Variants in ACADL observed in about 807,000 individuals in gnomAD.
ACADL encodes acyl-CoA dehydrogenase long chain.
Under a neutral mutation model 56.9 loss-of-function variants are expected in ACADL, and 60 were observed. The ratio of observed to expected loss-of-function variants is 1.05; its 90% CI spans 0.86 to 1.31. The LOEUF (loss-of-function observed/expected upper bound fraction) is 1.31, where lower values mean the gene tolerates loss of function less well. Among genes scored for constraint, ACADL ranks in the 50% most tolerant of loss-of-function variants. ACADL has a pLI of 0.00. For synonymous variants in ACADL, 158 were observed against 179.7 expected (o/e 0.88, Z 0.97); for missense variants, 484 against 525.5 (o/e 0.92, Z 0.77).
chr2:210,205,335 T>A (rs1391924698), intron 6 of ACADL, among the ~76,000 whole-genome samples: 1 of 152,194 alleles, frequency 6.6e-6, no homozygotes, highest in Non-Finnish European at 1.5e-5. Context: ...CACACTTTAT[T>A]TTTATTTCAT....
intron 8 of ACADL, among the ~76,000 whole-genome samples, chr2:210,197,716 G>GA (rs1184158106): frequency 6.6e-6 from 1 of 152,138 alleles, no homozygotes; most frequent in African/African-American, 2.4e-5. Context: ...TTTACAATAT[G>GA]AAAGAGTAAA....
chr2:210,210,596 T>C (rs1478645029), intron 4 of ACADL, among the ~76,000 whole-genome samples: 1 of 152,154 alleles, frequency 6.6e-6, no homozygotes, highest in Non-Finnish European at 1.5e-5. Flanking sequence ...CGTGTCACCA[T>C]GTACTTTGCT....
In ACADL at chr2:210,210,329, G is replaced by C. The variant is rs536270350; in HGVS notation, c.537-67C>G. On this transcript the variant is annotated intron_variant, in intron 4 of 10. Coordinates refer to ENST00000233710, the MANE Select transcript of ACADL (RefSeq NM_001608.4). Reference sequence around the variant, plus strand: ...AAATTAAATTATACAAATGATATAAGTATGTATGTAAATTAGATTATTCAA... The same window carrying C: ...AAATTAAATTATACAAATGATATAACTATGTATGTAAATTAGATTATTCAA... The C allele has an allele frequency of 5.1e-6, 6 of 1,183,554 alleles. No individual in the cohort carries two copies. The South Asian group carries it at 7.5e-5, about 15-fold the overall frequency. 73.3% of individuals were successfully genotyped at this position (1,183,554 alleles called of 1,614,324 possible).
intron 8 of ACADL, among the ~76,000 whole-genome samples, chr2:210,201,156 C>G (rs937198121): frequency 6.6e-6 from 1 of 152,154 alleles, no homozygotes; most frequent in Non-Finnish European, 1.5e-5. Context: ...AGGAGCCTAG[C>G]CTCTCCTGTT....
chr2:210,216,545 A>G, intron 3 of ACADL, 34 bp from the exon 4 acceptor site: 7 of 1,589,990 alleles, frequency 4.4e-6, no homozygotes, highest in Non-Finnish European at 6.0e-6. Context: ...ATTAGAGCAT[A>G]AAATAGCAAT....
intron 2 of ACADL, among the ~76,000 whole-genome samples, chr2:210,220,172 T>C (rs1400187360): frequency 6.6e-6 from 1 of 152,182 alleles, no homozygotes; most frequent in Non-Finnish European, 1.5e-5. Flanking sequence ...TAGCATTGAG[T>C]GAATTTTGGA....
At chr2:210,190,652 T>C (rs966785641) in intron 10 of ACADL, among the ~76,000 whole-genome samples, 2 of 152,070 alleles carry the variant, frequency 1.3e-5, no homozygotes, top group African/African-American at 4.8e-5. Flanking sequence ...TCGAGCCTAA[T>C]GAGTAAGACT....
At chr2:210,195,484 A>G (rs918047904) in intron 8 of ACADL, 146 bp from the exon 9 acceptor site, 1 of 861,240 alleles carries the variant, frequency 1.2e-6, no homozygotes, top group Non-Finnish European at 1.8e-6. Flanking sequence ...TAAAAATGGC[A>G]TTTGTTACCA....
intron 1 of ACADL, among the ~76,000 whole-genome samples, chr2:210,223,370 A>G (rs1389600073): frequency 6.6e-6 from 1 of 152,184 alleles, no homozygotes; most frequent in East Asian, 1.9e-4. Flanking sequence ...AAAGTCTCCT[A>G]CATTTTAAAA....
intron 9 of ACADL, among the ~76,000 whole-genome samples, chr2:210,193,785 C>A (rs1688671199): frequency 6.6e-6 from 1 of 152,086 alleles, no homozygotes; most frequent in South Asian, 2.1e-4. Context: ...GATCCTCTCA[C>A]CTCAGCTTCT....
chr2:210,224,895 T>C (rs935893662), intron 1 of ACADL: 77 of 1,229,664 alleles, frequency 6.3e-5, no homozygotes, highest in Admixed American at 5.1e-4. Context: ...ACGGGTTGGA[T>C]TGGGGCTCCG....
At chr2:210,219,576 T>C (rs1229051083) in intron 2 of ACADL, among the ~76,000 whole-genome samples, 3 of 152,208 alleles carry the variant, frequency 2.0e-5, no homozygotes, top group African/African-American at 7.2e-5. Flanking sequence ...CTTATTTTGG[T>C]CATTCTTACC....
In ACADL at chr2:210,206,173, C is replaced by T. The variant is rs139989987; in HGVS notation, c.604-377G>A. Among the ~76,000 whole-genome samples the T allele has an allele frequency of 4.2e-4, 64 of 152,178 alleles. No homozygotes were observed. The East Asian group carries it at 0.012, about 28-fold the overall frequency. The stretch of plus-strand genomic sequence containing the variant: ...GAAAATCTGGCCGGGCCCGGTGGCT[C>T]ACACCTGTAACCCCAGCACTTTGGG... On this transcript the variant is annotated intron_variant, in intron 5 of 10. Transcript: ENST00000233710.
At chr2:210,225,166 G>C (rs1464895242) in intron 1 of ACADL, 21 bp downstream of exon 1, 2 of 1,529,068 alleles carry the variant, frequency 1.3e-6, no homozygotes, top group Admixed American at 3.9e-5. Flanking sequence ...TGCAGCCGCG[G>C]AAGTCCCGGC....
chr2:210,197,040 T>C (rs1688720725), intron 8 of ACADL, among the ~76,000 whole-genome samples: 2 of 152,150 alleles, frequency 1.3e-5, no homozygotes, highest in African/African-American at 4.8e-5. Flanking sequence ...TACTTACCAT[T>C]TCTGGAAAAG....
At chr2:210,197,177 A>G (rs1411544454) in intron 8 of ACADL, among the ~76,000 whole-genome samples, 1 of 152,148 alleles carries the variant, frequency 6.6e-6, no homozygotes, top group Non-Finnish European at 1.5e-5. Context: ...GAAAACTCCA[A>G]CTGACTGTCT....
At chr2:210,211,819 T>C (rs1688986143) in intron 4 of ACADL, among the ~76,000 whole-genome samples, 1 of 136,022 alleles carries the variant, frequency 7.4e-6, no homozygotes, top group Admixed American at 8.6e-5. Flanking sequence ...TTTTATTTTA[T>C]GCCCCTCAGC....
chr2:210,205,245 T>G (rs577516432), intron 6 of ACADL, among the ~76,000 whole-genome samples: 1 of 152,180 alleles, frequency 6.6e-6, no homozygotes, highest in South Asian at 2.1e-4. Flanking sequence ...AGGCTGGTCT[T>G]GAACTCCTGA....
At chr2:210,212,524 C>T (rs948073049) in intron 4 of ACADL, among the ~76,000 whole-genome samples, 5 of 152,056 alleles carry the variant, frequency 3.3e-5, no homozygotes, top group Non-Finnish European at 7.4e-5. Flanking sequence ...TTGGGCCCAA[C>T]AATACTGATT....
Sources: allele counts gnomAD v4.1 joint callset (sites outside exome capture counted in the v4.1 genomes callset), GRCh38; gene constraint gnomAD v4.1.1; transcripts MANE v1.5; gene names NCBI Gene and HGNC (gene_info 2026-07-23, HGNC 2026-07-21).